Variants in IL1RAPL1 observed in about 807,000 individuals in gnomAD.
IL1RAPL1 encodes the protein interleukin 1 receptor accessory protein like 1, also known as interleukin-1 receptor accessory protein-like 1.
A neutral mutation model predicts 48.4 loss-of-function variants in IL1RAPL1; 3 were observed. That is an observed-to-expected ratio of 0.06 (90% confidence interval 0.03 to 0.16). The LOEUF (loss-of-function observed/expected upper bound fraction) is 0.16, where lower values mean the gene tolerates loss of function less well. Among genes scored for constraint, IL1RAPL1 ranks in the 10% least tolerant of loss-of-function variants. The pLI is 1.00. For synonymous variants in IL1RAPL1, 185 were observed against 187.7 expected, an observed-to-expected ratio of 0.99 and a Z score of 0.12; for missense variants, 349 against 530.6, an observed-to-expected ratio of 0.66 and a Z score of 3.36.
chrX:29,335,943 C>T (rs908094943), intron 3 of IL1RAPL1, among the ~76,000 whole-genome samples: 21 of 109,335 alleles, frequency 1.9e-4, no homozygotes, highest in Middle Eastern at 9.8e-3. Context: ...TAAAAACAGT[C>T]GTGCGTATGT....
intron 1 of IL1RAPL1, among the ~76,000 whole-genome samples, chrX:28,699,233 C>T (rs1485847506): frequency 1.8e-5 from 2 of 111,640 alleles, no homozygotes; most frequent in Non-Finnish European, 3.8e-5. Flanking sequence ...GATAGTATTC[C>T]CTGTATTCTA....
At chrX:29,905,979 G>A (rs1932605710) in intron 6 of IL1RAPL1, among the ~76,000 whole-genome samples, 1 of 110,685 alleles carries the variant, frequency 9.0e-6, no homozygotes, top group South Asian at 3.9e-4. Flanking sequence ...GTTATAGGGG[G>A]GATAGGAGAG....
At chrX:28,845,826 A>G (rs988835838) in intron 2 of IL1RAPL1, among the ~76,000 whole-genome samples, 9 of 111,318 alleles carry the variant, frequency 8.1e-5, no homozygotes, top group Admixed American at 2.8e-4. Flanking sequence ...AAGAAGGTAC[A>G]GGGATTTATT....
intron 1 of IL1RAPL1, among the ~76,000 whole-genome samples, chrX:28,763,685 C>T (rs913404956): frequency 9.0e-6 from 1 of 111,060 alleles, no homozygotes; most frequent in African/African-American, 3.3e-5. Flanking sequence ...AGTCTCTAGT[C>T]CTATGTTATG....
intron 3 of IL1RAPL1, among the ~76,000 whole-genome samples, chrX:29,352,396 C>T (rs767925775): frequency 2.7e-5 from 3 of 111,520 alleles, no homozygotes; most frequent in Non-Finnish European, 5.6e-5. Flanking sequence ...TAAGGTATAA[C>T]CACTCTGGGA....
chrX:28,924,079 T>C (rs1404944223), intron 2 of IL1RAPL1: 1 of 111,559 alleles, frequency 9.0e-6, no homozygotes, highest in East Asian at 2.8e-4. Context: ...CAGCCTCTGA[T>C]GAAATTTATC....
intron 5 of IL1RAPL1, among the ~76,000 whole-genome samples, chrX:29,494,666 A>G (rs1251102568): frequency 8.9e-6 from 1 of 112,222 alleles, no homozygotes; most frequent in Non-Finnish European, 1.9e-5. Context: ...TGCCTTCAGG[A>G]AAGTATGAAA....
intron 2 of IL1RAPL1, among the ~76,000 whole-genome samples, chrX:28,959,771 AT>A (rs1444732354): frequency 9.0e-6 from 1 of 111,671 alleles, no homozygotes; most frequent in Non-Finnish European, 1.9e-5. Flanking sequence ...TATTTTGGAT[AT>A]TTTTTCCTAA....
intron 2 of IL1RAPL1, among the ~76,000 whole-genome samples, chrX:28,897,503 AAG>A (rs199770513): frequency 0.32 from 35,464 of 110,455 alleles, 4,201 homozygotes; most frequent in Admixed American, 0.4. Flanking sequence ...TGAAAGGAGA[AAG>A]AGGTTGAGGG....
chrX:29,891,738 A>T (rs12840973), intron 6 of IL1RAPL1, among the ~76,000 whole-genome samples: 1 of 111,055 alleles, frequency 9.0e-6, no homozygotes, highest in East Asian at 2.8e-4. Context: ...TTCCTAGGTT[A>T]TCTTACAGTT....
intron 3 of IL1RAPL1, among the ~76,000 whole-genome samples, chrX:29,379,739 C>T (rs1464835107): frequency 8.9e-6 from 1 of 111,956 alleles, no homozygotes; most frequent in African/African-American, 3.2e-5. Context: ...CGTCACATTT[C>T]CATCCACTCT....
intron 5 of IL1RAPL1, among the ~76,000 whole-genome samples, chrX:29,510,823 C>G (rs1431443607): frequency 8.9e-6 from 1 of 111,955 alleles, no homozygotes; most frequent in East Asian, 2.8e-4. Context: ...CCTCTGCTCA[C>G]ATTGTGGGCC....
chrX:29,236,572 A>G (rs1322077965), intron 2 of IL1RAPL1, among the ~76,000 whole-genome samples: 1 of 34,124 alleles, frequency 2.9e-5, no homozygotes, highest in East Asian at 1.3e-3. Context: ...TTTTTTTTTG[A>G]GATGGAGTCT....
chrX:29,228,043 C>T (rs748056690), intron 2 of IL1RAPL1, among the ~76,000 whole-genome samples: 105 of 109,031 alleles, frequency 9.6e-4, no homozygotes, highest in African/African-American at 3.4e-3. Context: ...AACAAATTTA[C>T]AGGTAATGAA....
chrX:28,798,415 C>T (rs1936638526), intron 2 of IL1RAPL1, among the ~76,000 whole-genome samples: 1 of 111,904 alleles, frequency 8.9e-6, no homozygotes, highest in South Asian at 3.7e-4. Context: ...TTTATCATCA[C>T]ATCTCCTCTG....
At chrX:28,629,653 GAA>G (rs1934378025) in intron 1 of IL1RAPL1, among the ~76,000 whole-genome samples, 1 of 112,041 alleles carries the variant, frequency 8.9e-6, no homozygotes, top group Non-Finnish European at 1.9e-5. Context: ...GCTGTCTACT[GAA>G]ATTGGGACTA....
chrX:28,714,609 G>A (rs1025580272), intron 1 of IL1RAPL1, among the ~76,000 whole-genome samples: 4 of 112,142 alleles, frequency 3.6e-5, no homozygotes, highest in African/African-American at 1.3e-4. Context: ...TTAGCTGGCA[G>A]TTTTAGTTGG....
chrX:29,514,659 G>A (rs1048531790), intron 5 of IL1RAPL1, among the ~76,000 whole-genome samples: 2 of 112,428 alleles, frequency 1.8e-5, no homozygotes, highest in Non-Finnish European at 3.8e-5. Flanking sequence ...ATGTTGGCCA[G>A]GCTTGTCTTG....
intron 1 of IL1RAPL1, among the ~76,000 whole-genome samples, chrX:28,770,974 G>A (rs1447074414): frequency 8.9e-6 from 1 of 111,977 alleles, no homozygotes; most frequent in East Asian, 2.8e-4. Flanking sequence ...TGCATGATAG[G>A]TATAGAGAAA....
Sources: allele counts gnomAD v4.1 joint callset (sites outside exome capture counted in the v4.1 genomes callset), GRCh38; gene constraint gnomAD v4.1.1; transcripts MANE v1.5; gene names NCBI Gene and HGNC (gene_info 2026-07-23, HGNC 2026-07-21).